Variants in NXPH1 observed in about 807,000 individuals in gnomAD.
The protein encoded by NXPH1 is neurexophilin-1.
Under a neutral mutation model 23.7 loss-of-function variants are expected in NXPH1, and 5 were observed. That is an observed-to-expected ratio of 0.21 (90% CI 0.11 to 0.44). The LOEUF (loss-of-function observed/expected upper bound fraction) is 0.44. Among genes scored for constraint, NXPH1 ranks in the 20% least tolerant of loss-of-function variants. The probability of loss-of-function intolerance (pLI) is 0.99; values close to 1 mark genes in which losing one functional copy is unlikely to be tolerated. For synonymous variants in NXPH1, 144 were observed against 122.2 expected (o/e 1.18, Z -1.18); for missense variants, 324 against 321.6 (o/e 1.01, Z -0.06).
At chr7:8,660,956 CT>C (rs78990589) in intron 2 of NXPH1, among the ~76,000 whole-genome samples, 1,580 of 139,038 alleles carry the variant, frequency 0.011, 9 homozygotes, top group Non-Finnish European at 0.013. Context: ...TATATCATTC[CT>C]TTTTTTTTTT....
chr7:8,736,884 CCTT>C (rs1256987880), intron 2 of NXPH1, among the ~76,000 whole-genome samples: 1 of 151,686 alleles, frequency 6.6e-6, no homozygotes, highest in African/African-American at 2.4e-5. Context: ...TATGTCATGC[CCTT>C]CTTTGTCTTT....
At chr7:8,519,428 G>A (rs1308853350) in intron 2 of NXPH1, among the ~76,000 whole-genome samples, 3 of 152,142 alleles carry the variant, frequency 2.0e-5, no homozygotes, top group African/African-American at 7.2e-5. Context: ...ATTTCCTACA[G>A]TGTTTCCCAA....
chr7:8,455,366 T>C (rs945620597), intron 2 of NXPH1, among the ~76,000 whole-genome samples: 1 of 152,190 alleles, frequency 6.6e-6, no homozygotes, highest in Non-Finnish European at 1.5e-5. Flanking sequence ...AAAATTGATG[T>C]GCAGTGTATT....
chr7:8,505,574 A>T (rs1239899639), intron 2 of NXPH1, among the ~76,000 whole-genome samples: 2 of 152,090 alleles, frequency 1.3e-5, no homozygotes, highest in Admixed American at 6.6e-5. Context: ...TATATTAGCA[A>T]ATCTAAATCT....
At chr7:8,437,194 TG>T (rs1816211955) in intron 2 of NXPH1, among the ~76,000 whole-genome samples, 2 of 152,320 alleles carry the variant, frequency 1.3e-5, no homozygotes, top group Admixed American at 1.3e-4. Flanking sequence ...CCGAAGTCTG[TG>T]CCTTTACCCG....
chr7:8,492,345 T>C (rs1817261618), intron 2 of NXPH1, among the ~76,000 whole-genome samples: 2 of 152,058 alleles, frequency 1.3e-5, no homozygotes, highest in South Asian at 4.1e-4. Flanking sequence ...TCAGAAGATC[T>C]GAGTTTGCTT....
At chr7:8,453,945 G>A (rs1430876980) in intron 2 of NXPH1, among the ~76,000 whole-genome samples, 1 of 152,096 alleles carries the variant, frequency 6.6e-6, no homozygotes, top group Non-Finnish European at 1.5e-5. Context: ...ATCCAGCAAT[G>A]ACATTGCTGG....
intron 2 of NXPH1, among the ~76,000 whole-genome samples, chr7:8,440,656 C>T (rs1403563149): frequency 1.3e-5 from 2 of 151,748 alleles, no homozygotes; most frequent in Non-Finnish European, 2.9e-5. Flanking sequence ...TAATAACCGT[C>T]GTCGACAATA....
chr7:8,437,833 G>T (rs2128603686), intron 2 of NXPH1, among the ~76,000 whole-genome samples: 1 of 152,310 alleles, frequency 6.6e-6, no homozygotes, highest in African/African-American at 2.4e-5. Flanking sequence ...TTACCTGAAT[G>T]CCTTTTGGCA....
chr7:8,571,304 T>A (rs916513971), intron 2 of NXPH1, among the ~76,000 whole-genome samples: 19 of 151,740 alleles, frequency 1.3e-4, no homozygotes, highest in Admixed American at 5.3e-4. Context: ...CTGAAAAGAT[T>A]TGACTGATAT....
At chr7:8,523,064 G>T (rs1479298523) in intron 2 of NXPH1, among the ~76,000 whole-genome samples, 1 of 152,242 alleles carries the variant, frequency 6.6e-6, no homozygotes, top group Non-Finnish European at 1.5e-5. Context: ...TTGTGAGAAT[G>T]CTAAGAGAGG....
At chr7:8,697,200 G>A (rs1309603787) in intron 2 of NXPH1, among the ~76,000 whole-genome samples, 1 of 150,322 alleles carries the variant, frequency 6.7e-6, no homozygotes, top group Non-Finnish European at 1.5e-5. Flanking sequence ...GAAGTGAGGG[G>A]ACCAGATTGT....
chr7:8,501,154 A>G (rs1203402442), intron 2 of NXPH1, among the ~76,000 whole-genome samples: 2 of 152,070 alleles, frequency 1.3e-5, no homozygotes, highest in Non-Finnish European at 2.9e-5. Flanking sequence ...GATTTTTGTC[A>G]TCTAGCTCTT....
At chr7:8,521,366 A>G (rs539013406) in intron 2 of NXPH1, among the ~76,000 whole-genome samples, 51 of 152,310 alleles carry the variant, frequency 3.3e-4, no homozygotes, top group African/African-American at 1.2e-3. Flanking sequence ...TGCCAGTGCT[A>G]TAGTTCCCAG....
At chr7:8,507,569 G>T (rs1014102344) in intron 2 of NXPH1, among the ~76,000 whole-genome samples, 16 of 152,226 alleles carry the variant, frequency 1.1e-4, no homozygotes, top group African/African-American at 3.8e-4. Flanking sequence ...AGTTCCCCCA[G>T]TGGTATAAAA....
At chr7:8,613,489 C>T (rs1409815826) in intron 2 of NXPH1, among the ~76,000 whole-genome samples, 1 of 151,920 alleles carries the variant, frequency 6.6e-6, no homozygotes, top group Non-Finnish European at 1.5e-5. Flanking sequence ...AGTGGGAACA[C>T]AGAGGGTATT....
At chr7:8,557,349 A>G (rs143319229) in intron 2 of NXPH1, among the ~76,000 whole-genome samples, 105 of 151,858 alleles carry the variant, frequency 6.9e-4, no homozygotes, top group South Asian at 3.7e-3. Context: ...AATCTCAAAT[A>G]TCTCATAACA....
intron 2 of NXPH1, among the ~76,000 whole-genome samples, chr7:8,698,536 T>A (rs1202491631): frequency 6.6e-6 from 1 of 152,202 alleles, no homozygotes; most frequent in Non-Finnish European, 1.5e-5. Context: ...AAGCAACTGA[T>A]TTCAACATGT....
chr7:8,484,270 A>G (rs774967193), intron 2 of NXPH1, among the ~76,000 whole-genome samples: 2 of 152,004 alleles, frequency 1.3e-5, no homozygotes, highest in Non-Finnish European at 2.9e-5. Context: ...GGCCTTACAT[A>G]TCAAGAATTT....
Sources: allele counts gnomAD v4.1 joint callset (sites outside exome capture counted in the v4.1 genomes callset), GRCh38; gene constraint gnomAD v4.1.1; transcripts MANE v1.5; gene names NCBI Gene and HGNC (gene_info 2026-07-23, HGNC 2026-07-21).